The following FRMD8 variants were observed in gnomAD, a reference collection of about 807,000 sequenced individuals.
FRMD8 encodes FERM domain containing 8, also known as FERM domain-containing protein 8.
In FRMD8, 37 loss-of-function variants were observed where a neutral mutation model predicts 54.2. The ratio of observed to expected loss-of-function variants is 0.68; its 90% confidence interval spans 0.53 to 0.90. FRMD8 has a LOEUF of 0.90. Among genes scored for constraint, FRMD8 ranks in the 40% least tolerant of loss-of-function variants. FRMD8 has a pLI of 0.00. For synonymous variants in FRMD8, 246 were observed against 286.9 expected (o/e 0.86, Z 1.44); for missense variants, 585 against 653.7 (o/e 0.89, Z 1.15).
the FRMD8 span, among the ~76,000 whole-genome samples, chr11:65,368,431 A>C: frequency 6.6e-6 from 1 of 151,980 alleles, no homozygotes; most frequent in Non-Finnish European, 1.5e-5. Flanking sequence ...GGCTGGTCTC[A>C]AACCCCTAGG....
Position 65,400,766 on chromosome 11 carries a change from C to T in FRMD8, c.970C>T (p.His324Tyr), listed in dbSNP as rs759129401. Residue 324 changes from histidine to tyrosine, a missense_variant, in exon 9 of 11, where the codon CAC becomes TAC. Transcript: ENST00000317568. The surrounding 1 kb of genome is among the most constrained non-coding windows in gnomAD (Gnocchi z 4.3). ...GLRFQELSWD[H>Y]TSPEEEEPIL... ...GCGCTTCCAGGAGCTGTCGTGGGAC[C>T]ACACCTCCCCCGAGGAGGAGGAGCC... is the stretch of plus-strand genomic sequence containing the variant. 2 of 1,610,316 alleles carry T rather than the reference C, an allele frequency of 1.2e-6. No individual in the cohort carries two copies. Among genetic ancestry groups the T allele is most frequent in the Non-Finnish European group, 1.7e-6 (2 of 1,178,790 alleles).
the FRMD8 span, among the ~76,000 whole-genome samples, chr11:65,369,631 G>A: frequency 2.6e-4 from 40 of 152,016 alleles, no homozygotes; most frequent in African/African-American, 8.9e-4. Flanking sequence ...TGAGGAGGCT[G>A]AGACAGGAGA....
intron 7 of FRMD8, among the ~76,000 whole-genome samples, chr11:65,397,236 CCTT>C (rs1280030137): frequency 6.6e-6 from 1 of 152,234 alleles, no homozygotes; most frequent in Admixed American, 6.5e-5. Context: ...TGGGTCCTCT[CCTT>C]CTACCTGGCA....
the FRMD8 span, chr11:65,381,560 C>CTTTTTT: frequency 9.3e-4 from 79 of 84,672 alleles, 3 homozygotes; most frequent in South Asian, 1.9e-3. Context: ...TGCCCTGATT[C>CTTTTTT]TTTTTTTTTT....
intron 10 of FRMD8, among the ~76,000 whole-genome samples, chr11:65,407,555 A>T (rs1447535547): frequency 6.6e-6 from 1 of 151,398 alleles, no homozygotes; most frequent in Non-Finnish European, 1.5e-5. Context: ...CCGGCCAGAG[A>T]TCTACATTTT....
At chr11:65,381,893 AGAAG>A, upstream of FRMD8, 3 of 1,614,080 alleles carry the variant, frequency 1.9e-6, no homozygotes, top group East Asian at 2.2e-5. Context: ...GTGATGTGAC[AGAAG>A]GAAGAAAAAT....
At chr11:65,379,962 A>C in the FRMD8 span, 1 of 1,613,998 alleles carries the variant, frequency 6.2e-7, no homozygotes, top group Non-Finnish European at 8.5e-7. Context: ...CAGAGCAGGT[A>C]GGGTGGCGGG....
the FRMD8 span, among the ~76,000 whole-genome samples, chr11:65,368,311 G>A: frequency 6.6e-6 from 1 of 151,880 alleles, no homozygotes; most frequent in South Asian, 2.1e-4. Context: ...CCTGACCTCA[G>A]GTGATCCGCC....
chr11:65,393,650 G>T lies in FRMD8; in HGVS notation c.331G>T (p.Ala111Ser). 6.2e-7 allele frequency: 1 copy of T among 1,607,496 alleles called. No individual in the cohort carries two copies. Residue 111 changes from alanine (A) to serine (S), a missense_variant, in exon 4 of 11, where the codon GCC (alanine) becomes TCC (serine). Transcript: ENST00000317568. ...GGAGCTGCTGCTGCGCTTCACCAGT[G>T]CCCCAGACGATGACGTGGCCATGGG... is the stretch of plus-strand genomic sequence containing the variant. ...WPELLLRFTSAPDDDVAMDEP... is the reference protein window; with the variant it reads ...WPELLLRFTSSPDDDVAMDEP...
Position 65,411,498 on chromosome 11 carries a change from G to A in FRMD8, c.*138G>A, listed in dbSNP as rs1366293949. On this transcript the variant is annotated 3_prime_UTR_variant, in exon 11 of 11. Transcript: ENST00000317568. Reference sequence around the variant, plus strand: ...GCCTCAGCAGGTTTCTCAGACCACGGAGAAGTGACTTTTGGGCCCGGGGCC... The same window carrying A: ...GCCTCAGCAGGTTTCTCAGACCACGAAGAAGTGACTTTTGGGCCCGGGGCC... 2 of 580,766 alleles carry A rather than the reference G, an allele frequency of 3.4e-6. No homozygotes were observed. Among genetic ancestry groups the A allele is most frequent in the Non-Finnish European group, 5.8e-6 (2 of 342,540 alleles). The allele number at this position is 580,766 out of a possible 1,614,324, so 36.0% of individuals were successfully genotyped here.
chr11:65,411,601 G>A lies in FRMD8; in HGVS notation c.*241G>A. On this transcript the variant is annotated 3_prime_UTR_variant, in exon 11 of 11. Coordinates refer to ENST00000317568, the MANE Select transcript of FRMD8 (RefSeq NM_031904.5). The stretch of plus-strand genomic sequence containing the variant: ...CCTGCCCTCCCTTCCCCCGGATGCT[G>A]GGCCCTGCTGCTCTCTCAGGACCAT... 3 of 416,420 alleles carry A rather than the reference G, an allele frequency of 7.2e-6. No individual in the cohort carries two copies. Among genetic ancestry groups the A allele is most frequent in the Non-Finnish European group, 1.3e-5 (3 of 231,068 alleles). The allele number at this position is 416,420 out of a possible 1,614,324, so 25.8% of individuals were successfully genotyped here.
chr11:65,400,009 C>A lies in FRMD8; in HGVS notation c.927+150C>A, dbSNP rs1374534323. On this transcript the variant is annotated intron_variant, in intron 8 of 10. Transcript: ENST00000317568. This position sits in a 1 kb window ranked among gnomAD's most constrained non-coding sequence, Gnocchi z 4.3. ...GCCTCCGTTGGATGTCCTCGTAGCC[C>A]CTGAGGGTGATCCTGGGTCCTCTTG... is the stretch of plus-strand genomic sequence containing the variant. 1.1e-6 allele frequency: 1 copy of A among 928,126 alleles called. No individual in the cohort carries two copies. The highest frequency in any genetic ancestry group is 1.7e-5 in the African/African-American group (1 of 59,166). The allele number at this position is 928,126 out of a possible 1,614,324, so 57.5% of individuals were successfully genotyped here.
chr11:65,382,113 G>C (rs1299844480), upstream of FRMD8: 2 of 674,626 alleles, frequency 3.0e-6, no homozygotes, highest in African/African-American at 1.8e-5. The surrounding 1 kb of genome is among the most constrained non-coding windows in gnomAD (Gnocchi z 4.4). Flanking sequence ...TGGCAGAGGA[G>C]AGCGAGCCAG....
At chr11:65,370,881 A>G in the FRMD8 span, among the ~76,000 whole-genome samples, 1 of 152,288 alleles carries the variant, frequency 6.6e-6, no homozygotes, top group Middle Eastern at 3.4e-3. Flanking sequence ...CCTGGGCAGC[A>G]TAGTGAGACC....
intron 2 of FRMD8, 31 bp downstream of exon 2, chr11:65,387,152 C>T (rs1304222161): frequency 1.9e-6 from 3 of 1,561,770 alleles, no homozygotes; most frequent in South Asian, 1.1e-5. Flanking sequence ...CTCTTCCACA[C>T]CCTCCTGGGA....
At chr11:65,369,888 C>T in the FRMD8 span, among the ~76,000 whole-genome samples, 5 of 150,836 alleles carry the variant, frequency 3.3e-5, no homozygotes, top group African/African-American at 9.7e-5. Context: ...CAAAATGAGC[C>T]GGGTATGGTG....
At chr11:65,377,293 G>A in the FRMD8 span, 1 of 1,403,598 alleles carries the variant, frequency 7.1e-7, no homozygotes, top group East Asian at 2.7e-5. Flanking sequence ...AGGCCCAAGA[G>A]TGAGAGGCAC....
At chr11:65,377,297 G>A in the FRMD8 span, 1 of 1,399,532 alleles carries the variant, frequency 7.1e-7, no homozygotes, top group Non-Finnish European at 9.2e-7. Flanking sequence ...CCAAGAGTGA[G>A]AGGCACTGCC....
At position 65,394,279 on chromosome 11, in the gene FRMD8, G is replaced by A; in HGVS notation, c.435G>A (p.Leu145=). Residue 145 remains leucine (L), a synonymous_variant, in exon 6 of 11, where the codon CTG becomes CTA. Transcript: ENST00000317568. ...TGCAGATCCATGACGAGGAGGTCCTGCGGCTGCTCTATGAGGAGGCCAAGG... is the reference window on the plus strand; with the variant it reads ...TGCAGATCCATGACGAGGAGGTCCTACGGCTGCTCTATGAGGAGGCCAAGG... The part of the protein sequence containing the change: ...RELQIHDEEV[L]RLLYEEAKGN... 6.3e-7 allele frequency: 1 copy of A among 1,598,946 alleles called. No individual in the cohort carries two copies. The highest frequency in any genetic ancestry group is 8.5e-7 in the Non-Finnish European group (1 of 1,173,030).
Sources: gnomAD v4.1 joint callset for allele counts (sites outside exome capture counted in the v4.1 genomes callset) on GRCh38, gnomAD v4.1.1 for gene constraint, Gnocchi (gnomAD v3.1) non-coding constraint, MANE v1.5 for transcripts, NCBI Gene and HGNC (gene_info 2026-07-23, HGNC 2026-07-21) for gene names.